UGT1A10: variants seen among roughly 807,000 people sequenced by gnomAD.
UGT1A10 encodes the protein UDP-glucuronosyltransferase 1A10.
In UGT1A10, 49 loss-of-function variants were observed where a neutral mutation model predicts 45.8. The ratio of observed to expected loss-of-function variants is 1.07; its 90% confidence interval spans 0.85 to 1.36. UGT1A10 has a LOEUF of 1.36. Ranked by LOEUF, UGT1A10 falls within the 40% of genes most tolerant of loss-of-function variation. The pLI is 0.00. For missense variants in UGT1A10, 745 were observed against 668.6 expected, an observed-to-expected ratio of 1.11 and a Z score of -1.26; for synonymous variants, 284 against 249.7, an observed-to-expected ratio of 1.14 and a Z score of -1.29.
chr2:233,648,970 C>T (rs1232397027), intron 1 of UGT1A10: 32 of 1,437,028 alleles, frequency 2.2e-5, no homozygotes, highest in Non-Finnish European at 3.0e-5. Flanking sequence ...ACCTGTGATG[C>T]CCAATATGAT....
chr2:233,700,871 C>G (rs1196807341), intron 1 of UGT1A10, among the ~76,000 whole-genome samples: 4 of 151,832 alleles, frequency 2.6e-5, no homozygotes, highest in African/African-American at 9.7e-5. Context: ...ATCCCTCCCT[C>G]CTCCCCCCAC....
chr2:233,689,246 T>C (rs2074933289), intron 1 of UGT1A10, among the ~76,000 whole-genome samples: 1 of 152,204 alleles, frequency 6.6e-6, no homozygotes, highest in African/African-American at 2.4e-5. Flanking sequence ...CTGTGAGTGA[T>C]TCAGACTTGA....
chr2:233,760,048 C>T (rs189369417), intron 1 of UGT1A10, among the ~76,000 whole-genome samples: 1 of 152,292 alleles, frequency 6.6e-6, no homozygotes, highest in East Asian at 1.9e-4. Flanking sequence ...GCTGTGTTCA[C>T]TCAAGAATGT....
chr2:233,746,453 C>T (rs1693396271), intron 1 of UGT1A10, among the ~76,000 whole-genome samples: 1 of 151,712 alleles, frequency 6.6e-6, no homozygotes, highest in South Asian at 2.1e-4. Flanking sequence ...AAGAAAGTAC[C>T]TTCAAAAGGG....
At chr2:233,691,124 A>T (rs1305698863) in intron 1 of UGT1A10, 1 of 985,838 alleles carries the variant, frequency 1.0e-6, no homozygotes, top group African/African-American at 1.7e-5. Context: ...TGCTTAAGCC[A>T]TTCTTCCTCT....
chr2:233,696,261 A>G (rs1454905171), intron 1 of UGT1A10, among the ~76,000 whole-genome samples: 1 of 152,248 alleles, frequency 6.6e-6, no homozygotes, highest in Non-Finnish European at 1.5e-5. Flanking sequence ...ACATCAGTGA[A>G]TGAATGGATA....
intron 1 of UGT1A10, chr2:233,690,377 C>A: frequency 1.1e-6 from 1 of 925,258 alleles, no homozygotes; most frequent in Non-Finnish European, 1.5e-6. Context: ...TCCATAGGGT[C>A]CACGTTTCCA....
At chr2:233,665,014 C>T (rs1240524206) in intron 1 of UGT1A10, among the ~76,000 whole-genome samples, 1 of 152,152 alleles carries the variant, frequency 6.6e-6, no homozygotes, top group Non-Finnish European at 1.5e-5. Flanking sequence ...ATAGAAAATG[C>T]TCTTAGTAGT....
rs552863758 is a variant in UGT1A10 at position 233,736,767 on chromosome 2, G to A, written c.856-30267G>A. Among the ~76,000 whole-genome samples, 7 of 152,324 alleles carry A rather than the reference G, an allele frequency of 4.6e-5. No individual in the cohort carries two copies. In the South Asian group the frequency reaches 1.2e-3, roughly 27 times the overall value. On this transcript the variant is annotated intron_variant, in intron 1 of 4. Transcript: ENST00000344644. ...CTGTTTGTTAGTTTTCCTTCTAACA[G>A]TCAGATCCCTCAGCTGCAGGTCTGT... is the stretch of plus-strand genomic sequence containing the variant.
intron 1 of UGT1A10, chr2:233,713,051 C>T: frequency 6.2e-7 from 1 of 1,614,118 alleles, no homozygotes. Context: ...TGCTTCTCCT[C>T]AGTGTCCAGC....
chr2:233,763,863 G>A (rs1486150283), intron 1 of UGT1A10, among the ~76,000 whole-genome samples: 2 of 152,132 alleles, frequency 1.3e-5, no homozygotes, highest in Non-Finnish European at 1.5e-5. Flanking sequence ...ACAGACAATC[G>A]CAATGCTGGG....
chr2:233,711,913 T>C (rs1304030043), intron 1 of UGT1A10, among the ~76,000 whole-genome samples: 1 of 152,170 alleles, frequency 6.6e-6, no homozygotes, highest in Non-Finnish European at 1.5e-5. Context: ...CCATTGTGAG[T>C]GCTCAGGGTC....
intron 1 of UGT1A10, among the ~76,000 whole-genome samples, chr2:233,677,292 G>T (rs994311025): frequency 6.6e-6 from 1 of 152,020 alleles, no homozygotes; most frequent in Non-Finnish European, 1.5e-5. Context: ...TATTTAAGTG[G>T]TATTTTTAAT....
rs2075159384 is a variant in UGT1A10, at chr2:233,693,500, C to T, written c.855+56123C>T. On this transcript the variant is annotated intron_variant, in intron 1 of 4. Transcript: ENST00000344644. ...GATCCTGGCTGAGTATTTGGGCCTA[C>T]CATCTGTGTACCTCTTCAGGGGTTT... 1.2e-6 allele frequency: 2 copies of T among 1,614,174 alleles called. No homozygotes were observed. Among genetic ancestry groups the T allele is most frequent in the Non-Finnish European group, 1.7e-6 (2 of 1,180,030 alleles).
intron 1 of UGT1A10, among the ~76,000 whole-genome samples, chr2:233,694,084 TAGG>T (rs751212149): frequency 1.3e-5 from 2 of 151,696 alleles, no homozygotes; most frequent in Non-Finnish European, 2.9e-5. Flanking sequence ...TTGGCAAGAG[TAGG>T]AGATTTGCTT....
intron 1 of UGT1A10, chr2:233,719,659 A>G: frequency 1.9e-6 from 3 of 1,614,092 alleles, no homozygotes; most frequent in South Asian, 1.1e-5. Context: ...GGGGGCATCA[A>G]CTGTGCCAAC....
intron 1 of UGT1A10, among the ~76,000 whole-genome samples, chr2:233,666,177 T>G (rs2074072182): frequency 6.6e-6 from 1 of 152,048 alleles, no homozygotes; most frequent in Non-Finnish European, 1.5e-5. Flanking sequence ...GTGCCAGGCT[T>G]TTTTTTAATA....
chr2:233,660,590 T>G (rs2073942799), intron 1 of UGT1A10, among the ~76,000 whole-genome samples: 3 of 152,220 alleles, frequency 2.0e-5, no homozygotes, highest in Admixed American at 2.0e-4. Flanking sequence ...TTTTTTCCCT[T>G]AAAGGCTCAA....
chr2:233,683,245 GT>G (rs555678771), intron 1 of UGT1A10, among the ~76,000 whole-genome samples: 1 of 151,912 alleles, frequency 6.6e-6, no homozygotes, highest in Non-Finnish European at 1.5e-5. Context: ...TGCTGGCTAT[GT>G]TTTTTTATGT....
Sources: allele counts gnomAD v4.1 joint callset (sites outside exome capture counted in the v4.1 genomes callset), GRCh38; gene constraint gnomAD v4.1.1; transcripts MANE v1.5; gene names NCBI Gene and HGNC (gene_info 2026-07-23, HGNC 2026-07-21).